Variants in IQCJ observed in about 807,000 individuals in gnomAD.
IQCJ encodes the protein IQ domain-containing protein J.
In IQCJ, 9 loss-of-function variants were observed where a neutral mutation model predicts 11.0. That is an observed-to-expected ratio of 0.82 (90% CI 0.49 to 1.43). The LOEUF (loss-of-function observed/expected upper bound fraction) is 1.43. Among genes scored for constraint, IQCJ ranks in the 40% most tolerant of loss-of-function variants. The pLI, the probability that IQCJ is intolerant of heterozygous loss-of-function variation, is 0.00. For missense variants in IQCJ, 146 were observed against 133.2 expected (o/e 1.10, Z -0.47); for synonymous variants, 55 against 51.3 (o/e 1.07, Z -0.31).
At chr3:159,088,197 A>G (rs1204196969) in intron 1 of IQCJ, among the ~76,000 whole-genome samples, 1 of 152,130 alleles carries the variant, frequency 6.6e-6, no homozygotes, top group African/African-American at 2.4e-5. Context: ...ATTCAGGAGC[A>G]GGTTGTTCAG....
chr3:159,177,887 C>T (rs1334325147), intron 1 of IQCJ, among the ~76,000 whole-genome samples: 1 of 152,082 alleles, frequency 6.6e-6, no homozygotes, highest in African/African-American at 2.4e-5. Flanking sequence ...ATCAGTGTTG[C>T]CTCAATTTAG....
intron 1 of IQCJ, among the ~76,000 whole-genome samples, chr3:159,193,166 T>G (rs978911976): frequency 6.6e-6 from 1 of 152,170 alleles, no homozygotes; most frequent in African/African-American, 2.4e-5. Flanking sequence ...AGTAGACACA[T>G]GGTCTGCGGA....
chr3:159,155,118 G>T (rs1308842442), intron 1 of IQCJ, among the ~76,000 whole-genome samples: 2 of 152,018 alleles, frequency 1.3e-5, no homozygotes, highest in East Asian at 3.9e-4. Context: ...GTTAAATAAG[G>T]TTTCTGGCCG....
rs556434450 is a variant in IQCJ at position 159,111,067 on chromosome 3, C to G, written c.9+41626C>G. On this transcript the variant is annotated intron_variant, in intron 1 of 3. Coordinates refer to ENST00000397832, the MANE Select transcript of IQCJ (RefSeq NM_001042706.3). ...GATGTTTGCCCTGGGCCTCACTTCT[C>G]TGGCTGCAGGCCTCCTGCTGCTGAT... 5.9e-5 allele frequency among the ~76,000 whole-genome samples: 9 copies of G among 152,312 alleles called. No individual in the cohort carries two copies. The East Asian group carries it at 1.7e-3, about 29-fold the overall frequency.
intron 1 of IQCJ, among the ~76,000 whole-genome samples, chr3:159,180,134 C>A (rs538648938): frequency 2.0e-5 from 3 of 152,322 alleles, no homozygotes; most frequent in Admixed American, 1.3e-4. Context: ...CTGTAATAGA[C>A]AGGCATGTTT....
chr3:159,200,047 T>TATATATATATATATATATATATATA, intron 1 of IQCJ, among the ~76,000 whole-genome samples: 1 of 139,906 alleles, frequency 7.1e-6, no homozygotes, highest in African/African-American at 2.8e-5. Flanking sequence ...TATATATATA[T>TATATATATATATATATATATATATA]AAATCTAAAT....
intron 1 of IQCJ, among the ~76,000 whole-genome samples, chr3:159,123,874 T>C (rs1719520264): frequency 6.6e-6 from 1 of 152,164 alleles, no homozygotes; most frequent in Non-Finnish European, 1.5e-5. Context: ...CGCTCTGAGC[T>C]ATGGGAATAT....
intron 1 of IQCJ, among the ~76,000 whole-genome samples, chr3:159,112,546 G>C (rs550209670): frequency 6.6e-6 from 1 of 152,062 alleles, no homozygotes; most frequent in African/African-American, 2.4e-5. Flanking sequence ...TCTGACAAAG[G>C]CTGCTAGACA....
At chr3:159,221,797 G>C (rs1414723782) in intron 1 of IQCJ, among the ~76,000 whole-genome samples, 1 of 150,746 alleles carries the variant, frequency 6.6e-6, no homozygotes, top group Non-Finnish European at 1.5e-5. Context: ...TTCTGCCAGG[G>C]AAGTGACAGA....
chr3:159,259,248 C>A (rs921048443), intron 3 of IQCJ, among the ~76,000 whole-genome samples: 4 of 152,038 alleles, frequency 2.6e-5, no homozygotes, highest in Non-Finnish European at 5.9e-5. Context: ...AGAGAAGATA[C>A]ACAGGAACTG....
At chr3:159,116,481 T>C (rs1408453408) in intron 1 of IQCJ, among the ~76,000 whole-genome samples, 1 of 151,560 alleles carries the variant, frequency 6.6e-6, no homozygotes, top group African/African-American at 2.4e-5. Context: ...CTTAAGTTAG[T>C]CTGTTACCCT....
chr3:159,110,014 G>A (rs1315523579), intron 1 of IQCJ, among the ~76,000 whole-genome samples: 1 of 152,108 alleles, frequency 6.6e-6, no homozygotes, highest in Admixed American at 6.5e-5. Context: ...TGATAAAAAT[G>A]TAGTATTTTA....
intron 1 of IQCJ, among the ~76,000 whole-genome samples, chr3:159,088,051 C>T (rs1716930529): frequency 6.6e-6 from 1 of 151,958 alleles, no homozygotes; most frequent in South Asian, 2.1e-4. Context: ...CTCTTGTGGG[C>T]ATTTAATGCT....
intron 1 of IQCJ, among the ~76,000 whole-genome samples, chr3:159,173,412 A>G (rs1283437122): frequency 6.6e-6 from 1 of 152,206 alleles, no homozygotes; most frequent in Non-Finnish European, 1.5e-5. Flanking sequence ...TATTTTTAGT[A>G]GAAACGTGTT....
intron 1 of IQCJ, among the ~76,000 whole-genome samples, chr3:159,165,986 A>G (rs1577054855): frequency 1.3e-5 from 2 of 151,790 alleles, no homozygotes; most frequent in Non-Finnish European, 1.5e-5. Context: ...AGTCTTTGGC[A>G]TCTTGCAAGT....
chr3:159,089,767 C>G (rs1717099421), intron 1 of IQCJ, among the ~76,000 whole-genome samples: 1 of 151,656 alleles, frequency 6.6e-6, no homozygotes, highest in African/African-American at 2.4e-5. Flanking sequence ...GTTTTCAGCT[C>G]CATCAGCTCC....
intron 1 of IQCJ, among the ~76,000 whole-genome samples, chr3:159,147,734 A>C (rs1252060211): frequency 6.6e-6 from 1 of 152,242 alleles, no homozygotes; most frequent in African/African-American, 2.4e-5. Flanking sequence ...AGGATAACAA[A>C]TATATGAACT....
At chr3:159,070,053 C>T (rs1576981630) in intron 1 of IQCJ, 1 of 193,568 alleles carries the variant, frequency 5.2e-6, no homozygotes, top group East Asian at 1.2e-4. Flanking sequence ...GGACGTTGAT[C>T]CGCAGTGTTC....
chr3:159,215,924 C>T (rs899060685), intron 1 of IQCJ, among the ~76,000 whole-genome samples: 6 of 151,980 alleles, frequency 3.9e-5, no homozygotes, highest in Admixed American at 3.3e-4. Context: ...GTTCATGTCA[C>T]CACTGTACAC....
Sources: allele counts gnomAD v4.1 joint callset (sites outside exome capture counted in the v4.1 genomes callset), GRCh38; gene constraint gnomAD v4.1.1; transcripts MANE v1.5; gene names NCBI Gene and HGNC (gene_info 2026-07-23, HGNC 2026-07-21).